Variants in KDM4C observed in about 807,000 individuals in gnomAD.
KDM4C encodes lysine-specific demethylase 4C.
A neutral mutation model predicts 129.3 loss-of-function variants in KDM4C; 81 were observed. That is an observed-to-expected ratio of 0.63 (90% CI 0.52 to 0.75). The LOEUF (loss-of-function observed/expected upper bound fraction) is 0.75, where lower values mean the gene tolerates loss of function less well. Ranked by LOEUF, KDM4C falls within the 30% of genes least tolerant of loss-of-function variation. The pLI, the probability that KDM4C is intolerant of heterozygous loss-of-function variation, is 0.00. For synonymous variants in KDM4C, 573 were observed against 456.1 expected, an observed-to-expected ratio of 1.26 and a Z score of -3.26; for missense variants, 1,457 against 1,304.0, an observed-to-expected ratio of 1.12 and a Z score of -1.81.
At chr9:6,738,790 G>A (rs1446040562) in intron 1 of KDM4C, among the ~76,000 whole-genome samples, 1 of 151,518 alleles carries the variant, frequency 6.6e-6, no homozygotes, top group African/African-American at 2.4e-5. Context: ...TGAGAGACAG[G>A]GTTTCACCGT....
chr9:6,971,209 T>G (rs1831927236), intron 8 of KDM4C, among the ~76,000 whole-genome samples: 1 of 152,224 alleles, frequency 6.6e-6, no homozygotes, highest in South Asian at 2.1e-4. Context: ...TATACAAATG[T>G]GGAGCTTTTT....
At chr9:6,800,376 A>G (rs527650305) in intron 2 of KDM4C, among the ~76,000 whole-genome samples, 10 of 151,860 alleles carry the variant, frequency 6.6e-5, no homozygotes, top group African/African-American at 2.4e-4. Context: ...AAAAGCAAAC[A>G]AACAAACAAA....
rs1820288672 is a variant in KDM4C at position 6,916,243 on chromosome 9, C to G, written c.921+23011C>G. Among the ~76,000 whole-genome samples the G allele has an allele frequency of 2.6e-5, 4 of 151,966 alleles. 1 individual carries two copies. In the South Asian group the frequency reaches 6.3e-4, roughly 24 times the overall value. On this transcript the variant is annotated intron_variant, in intron 8 of 21. Coordinates refer to ENST00000381309, the MANE Select transcript of KDM4C (RefSeq NM_015061.6). The stretch of plus-strand genomic sequence containing the variant: ...TGAAAGTTTTACAGAGTTATCCGGA[C>G]CTTTTTTATTCTGAGTGATGGGGAG...
At chr9:6,894,899 A>T (rs1478894823) in intron 8 of KDM4C, among the ~76,000 whole-genome samples, 1 of 152,210 alleles carries the variant, frequency 6.6e-6, no homozygotes, top group Non-Finnish European at 1.5e-5. Flanking sequence ...TCATATATAA[A>T]TTAGAAATAC....
chr9:6,989,294 C>T (rs369468085), intron 11 of KDM4C, among the ~76,000 whole-genome samples: 17 of 152,114 alleles, frequency 1.1e-4, no homozygotes, highest in Non-Finnish European at 1.9e-4. Flanking sequence ...TTCAGCTTAC[C>T]GGGAAGAAGA....
At chr9:6,784,241 C>G (rs1824995213) in intron 1 of KDM4C, among the ~76,000 whole-genome samples, 1 of 152,110 alleles carries the variant, frequency 6.6e-6, no homozygotes, top group African/African-American at 2.4e-5. Flanking sequence ...TGAGGTCACA[C>G]AGCTACTAAG....
chr9:7,149,425 A>C (rs1842525875), intron 19 of KDM4C, among the ~76,000 whole-genome samples: 1 of 152,206 alleles, frequency 6.6e-6, no homozygotes, highest in Non-Finnish European at 1.5e-5. Flanking sequence ...CCGGGTCCAG[A>C]GCCACGGCTG....
chr9:6,879,245 T>G (rs956352062), intron 5 of KDM4C, among the ~76,000 whole-genome samples: 4 of 152,222 alleles, frequency 2.6e-5, no homozygotes, highest in Admixed American at 2.0e-4. Flanking sequence ...CTCATTAAAT[T>G]TCCTCATTAA....
intron 18 of KDM4C, among the ~76,000 whole-genome samples, chr9:7,113,375 A>T (rs13289983): frequency 0.28 from 41,857 of 152,180 alleles, 7,155 homozygotes; most frequent in Middle Eastern, 0.49. Flanking sequence ...TCTCTTATTC[A>T]CATTATCAGG....
chr9:6,921,765 C>T (rs1563817006), intron 8 of KDM4C, among the ~76,000 whole-genome samples: 1 of 152,102 alleles, frequency 6.6e-6, no homozygotes, highest in East Asian at 1.9e-4. Flanking sequence ...GCAAATGCTA[C>T]GTGATCACTC....
chr9:7,024,822 G>A (rs1825526447), intron 15 of KDM4C, among the ~76,000 whole-genome samples: 1 of 152,188 alleles, frequency 6.6e-6, no homozygotes, highest in African/African-American at 2.4e-5. Context: ...ATAGCAGCAT[G>A]ATTTATAATC....
At chr9:7,082,327 A>T (rs748516209) in intron 17 of KDM4C, among the ~76,000 whole-genome samples, 1 of 152,206 alleles carries the variant, frequency 6.6e-6, no homozygotes, top group Non-Finnish European at 1.5e-5. Flanking sequence ...TCGTTTCAGA[A>T]TCTTTAGCAA....
chr9:7,101,779 A>G (rs1314495534), intron 17 of KDM4C, among the ~76,000 whole-genome samples: 1 of 152,220 alleles, frequency 6.6e-6, no homozygotes, highest in African/African-American at 2.4e-5. Context: ...CTCTTAAAAG[A>G]TCTTAAGAAA....
chr9:7,030,602 T>C (rs773960841), intron 15 of KDM4C, among the ~76,000 whole-genome samples: 1 of 152,236 alleles, frequency 6.6e-6, no homozygotes, highest in Non-Finnish European at 1.5e-5. Context: ...TCAATTATGC[T>C]ATGAACTTAA....
intron 8 of KDM4C, among the ~76,000 whole-genome samples, chr9:6,945,668 T>C (rs1007497711): frequency 5.9e-5 from 9 of 152,180 alleles, no homozygotes; most frequent in African/African-American, 2.2e-4. Flanking sequence ...TTTTAGATTT[T>C]AAATATCATT....
chr9:7,090,865 A>G (rs1263672123), intron 17 of KDM4C, among the ~76,000 whole-genome samples: 1 of 152,186 alleles, frequency 6.6e-6, no homozygotes, highest in Non-Finnish European at 1.5e-5. Context: ...ATATCAATCC[A>G]TTGTTATGAT....
intron 11 of KDM4C, among the ~76,000 whole-genome samples, chr9:6,988,237 G>C (rs1050251146): frequency 2.7e-5 from 4 of 150,310 alleles, no homozygotes; most frequent in Non-Finnish European, 5.9e-5. Context: ...TAGCCAAGCA[G>C]ATATTCATTC....
At chr9:7,007,636 A>C (rs1385081083) in intron 12 of KDM4C, among the ~76,000 whole-genome samples, 1 of 152,174 alleles carries the variant, frequency 6.6e-6, no homozygotes, top group Non-Finnish European at 1.5e-5. Flanking sequence ...TTTTAGAAAA[A>C]TGTACACATG....
chr9:6,820,698 A>G (rs1022609922), intron 4 of KDM4C, among the ~76,000 whole-genome samples: 1 of 140,702 alleles, frequency 7.1e-6, no homozygotes, highest in Non-Finnish European at 1.5e-5. Context: ...TTGTGTCTTG[A>G]TCTCTCTCTC....
Sources: allele counts gnomAD v4.1 joint callset (sites outside exome capture counted in the v4.1 genomes callset), GRCh38; gene constraint gnomAD v4.1.1; transcripts MANE v1.5; gene names NCBI Gene and HGNC (gene_info 2026-07-23, HGNC 2026-07-21).